Variants in EML4 observed in about 807,000 individuals in gnomAD.
EML4 encodes the protein EMAP like 4.
A neutral mutation model predicts 129.0 loss-of-function variants in EML4; 72 were observed. The ratio of observed to expected loss-of-function variants is 0.56; its 90% confidence interval spans 0.46 to 0.68. EML4 has a LOEUF of 0.68. EML4 is among the 30% of genes least tolerant of loss of function. The probability of loss-of-function intolerance (pLI) is 0.00; values close to 1 mark genes in which losing one functional copy is unlikely to be tolerated. For missense variants in EML4, 1,363 were observed against 1,190.6 expected, an observed-to-expected ratio of 1.14 and a Z score of -2.13; for synonymous variants, 532 against 405.0, an observed-to-expected ratio of 1.31 and a Z score of -3.77.
intron 17 of EML4, among the ~76,000 whole-genome samples, chr2:42,312,720 AT>A (rs1278113559): frequency 6.6e-6 from 1 of 151,232 alleles, no homozygotes; most frequent in Non-Finnish European, 1.5e-5. Flanking sequence ...TGCCTGGCTA[AT>A]TTTTTGTATT....
At position 42,329,078 on chromosome 2, in the gene EML4, C is replaced by T. The variant is rs901666562; in HGVS notation, c.2472+62C>T. 7 of 1,523,304 alleles carry T rather than the reference C, an allele frequency of 4.6e-6. No homozygotes were observed. The African/African-American group carries it at 8.3e-5, about 18-fold the overall frequency. The allele number at this position is 1,523,304 out of a possible 1,614,324, so 94.4% of individuals were successfully genotyped here. On this transcript the variant is annotated intron_variant, in intron 22 of 22. Transcript: ENST00000318522. Reference sequence around the variant, plus strand: ...CTTCTGTCCAGGGATGATTTTGCATCCATAGCAAGAAAATATAGGTTACTG... The same window carrying T: ...CTTCTGTCCAGGGATGATTTTGCATTCATAGCAAGAAAATATAGGTTACTG...
intron 1 of EML4, among the ~76,000 whole-genome samples, chr2:42,232,224 A>G (rs1674392509): frequency 6.6e-6 from 1 of 152,158 alleles, no homozygotes; most frequent in South Asian, 2.1e-4. Context: ...TAATATACAA[A>G]TTAGTAATGC....
chr2:42,175,227 C>T (rs1441503890), intron 1 of EML4, among the ~76,000 whole-genome samples: 1 of 151,688 alleles, frequency 6.6e-6, no homozygotes, highest in South Asian at 2.1e-4. Context: ...ATTCTCCTGC[C>T]TCAAGCCTCC....
intron 6 of EML4, among the ~76,000 whole-genome samples, chr2:42,268,664 T>G (rs1666203393): frequency 6.6e-6 from 1 of 152,062 alleles, no homozygotes; most frequent in African/African-American, 2.4e-5. Flanking sequence ...TCTCAAACTT[T>G]TAGCCTCAAG....
intron 1 of EML4, among the ~76,000 whole-genome samples, chr2:42,217,995 C>G (rs141013925): frequency 6.2e-4 from 94 of 152,216 alleles, no homozygotes; most frequent in African/African-American, 2.2e-3. Context: ...TTTGTGTAGT[C>G]TGTAATGAAG....
At chr2:42,273,668 G>T (rs1194160873) in intron 6 of EML4, among the ~76,000 whole-genome samples, 1 of 144,944 alleles carries the variant, frequency 6.9e-6, no homozygotes, top group Admixed American at 6.8e-5. Flanking sequence ...GTAGCATTTT[G>T]TACTTAGTCA....
Position 42,244,104 on chromosome 2 carries a change from T to TTC in EML4, c.26-1400_26-1399insCT, listed in dbSNP as rs1324122008. Among the ~76,000 whole-genome samples, 46 of 80,684 alleles carry TTC rather than the reference T, an allele frequency of 5.7e-4. 1 individual carries two copies. The highest frequency in any genetic ancestry group is 1.5e-3 in the African/African-American group (42 of 27,436). 52.9% of individuals were successfully genotyped at this position (80,684 alleles called of 152,430 possible). On this transcript the variant is annotated intron_variant, in intron 1 of 22. Transcript: ENST00000318522. ...TTGTTTTTTGTTTTTGTTTTTTGTT[T>TTC]TTTTTTTTTTTTTGAGACGGGGTCT...
At chr2:42,201,855 G>A (rs1326073854) in intron 1 of EML4, among the ~76,000 whole-genome samples, 10 of 152,206 alleles carry the variant, frequency 6.6e-5, no homozygotes, top group African/African-American at 2.2e-4. Context: ...GCTGAGGTAG[G>A]CAGATCACTT....
chr2:42,325,960 C>A (rs2103835205), intron 20 of EML4, 194 bp from the exon 21 acceptor site: 1 of 402,440 alleles, frequency 2.5e-6, no homozygotes, highest in Non-Finnish European at 3.4e-6. Context: ...AAAAAAACTT[C>A]CATGGGAAAC....
rs1376016265 is a variant in EML4, at chr2:42,303,420, A to G, written c.1873A>G (p.Arg625Gly). ...QVCLWNSMEH[R>G]LEWTRLVDEP... ...GTGCCTGTGGAACTCAATGGAACACAGGCTGGAATGGACCAGGCTGGTAGA... is the reference window on the plus strand; with the variant it reads ...GTGCCTGTGGAACTCAATGGAACACGGGCTGGAATGGACCAGGCTGGTAGA... Residue 625 changes from arginine (R) to glycine (G), a missense_variant, in exon 16 of 23, where the codon AGG becomes GGG. Physicochemically the swap from Arg to Gly is moderately radical, Grantham distance 125 (BLOSUM62 -2). Transcript: ENST00000318522. 2 of 1,614,108 alleles carry G rather than the reference A, an allele frequency of 1.2e-6. No individual in the cohort carries two copies. The highest frequency in any genetic ancestry group is 1.1e-5 in the South Asian group (1 of 91,048).
In EML4 at chr2:42,196,373, A is replaced by T. The variant is rs148900535; in HGVS notation, c.25+26737A>T. On this transcript the variant is annotated intron_variant, in intron 1 of 22. Transcript: ENST00000318522. Reference sequence around the variant, plus strand: ...GGTATATATTGAGGTTAGGAGTGCCAATCATTTAGCCCTTCTGTCTCCAGG... The same window carrying T: ...GGTATATATTGAGGTTAGGAGTGCCTATCATTTAGCCCTTCTGTCTCCAGG... Among the ~76,000 whole-genome samples, 469 of 152,348 alleles carry T rather than the reference A, an allele frequency of 3.1e-3. 2 individuals carry two copies. Among genetic ancestry groups the T allele is most frequent in the African/African-American group, 0.011 (451 of 41,580 alleles).
At chr2:42,237,072 G>A (rs1326812224) in intron 1 of EML4, among the ~76,000 whole-genome samples, 1 of 152,114 alleles carries the variant, frequency 6.6e-6, no homozygotes, top group African/African-American at 2.4e-5. Flanking sequence ...CTAAGTAGCT[G>A]GGACTACAGG....
At chr2:42,226,732 A>G (rs1558519085) in intron 1 of EML4, among the ~76,000 whole-genome samples, 1 of 152,116 alleles carries the variant, frequency 6.6e-6, no homozygotes, top group African/African-American at 2.4e-5. Flanking sequence ...AGATTTTTAA[A>G]TGTTCTTTCT....
intron 2 of EML4, among the ~76,000 whole-genome samples, chr2:42,254,141 G>C (rs1347860444): frequency 1.3e-5 from 2 of 152,170 alleles, no homozygotes. Context: ...TGAGGCATTG[G>C]TAAAAGAACG....
chr2:42,233,920 TTAAGCTC>T (rs796638994), intron 1 of EML4, among the ~76,000 whole-genome samples: 61 of 152,354 alleles, frequency 4.0e-4, no homozygotes, highest in African/African-American at 1.3e-3. Context: ...TTTGGGGACT[TTAAGCTC>T]TAAGCAATAG....
intron 1 of EML4, among the ~76,000 whole-genome samples, chr2:42,202,909 TC>T (rs1672316051): frequency 6.6e-6 from 1 of 152,126 alleles, no homozygotes; most frequent in South Asian, 2.1e-4. Context: ...ATGCCTGTAG[TC>T]CTAGTTGCTT....
At chr2:42,203,458 A>G (rs571391470) in intron 1 of EML4, among the ~76,000 whole-genome samples, 1 of 152,328 alleles carries the variant, frequency 6.6e-6, no homozygotes, top group East Asian at 1.9e-4. Flanking sequence ...GTATATTGAC[A>G]TAGCTGTAAT....
intron 13 of EML4, among the ~76,000 whole-genome samples, chr2:42,297,967 CT>C: frequency 6.6e-6 from 1 of 152,086 alleles, no homozygotes. Context: ...TTAGTGTTTT[CT>C]GTTTCTTAAG....
chr2:42,220,607 C>G (rs1673525838), intron 1 of EML4, among the ~76,000 whole-genome samples: 1 of 152,058 alleles, frequency 6.6e-6, no homozygotes, highest in Non-Finnish European at 1.5e-5. Flanking sequence ...GTTAATAATC[C>G]TACAATGGTT....
Sources: gnomAD v4.1 joint callset for allele counts (sites outside exome capture counted in the v4.1 genomes callset) on GRCh38, gnomAD v4.1.1 for gene constraint, MANE v1.5 for transcripts, NCBI Gene and HGNC (gene_info 2026-07-23, HGNC 2026-07-21) for gene names.